PLIN5: variants seen among roughly 807,000 people sequenced by gnomAD.
PLIN5 encodes perilipin 5.
Under a neutral mutation model 32.8 loss-of-function variants are expected in PLIN5, and 34 were observed. That is an observed-to-expected ratio of 1.04 (90% CI 0.79 to 1.38). The LOEUF (loss-of-function observed/expected upper bound fraction) is 1.38, where lower values mean the gene tolerates loss of function less well. Among genes scored for constraint, PLIN5 ranks in the 40% most tolerant of loss-of-function variants. The pLI, the probability that PLIN5 is intolerant of heterozygous loss-of-function variation, is 0.00. For synonymous variants in PLIN5, 309 were observed against 292.9 expected (o/e 1.05, Z -0.56); for missense variants, 712 against 660.5 (o/e 1.08, Z -0.85).
In PLIN5 at chr19:4,525,596, C is replaced by G; in HGVS notation, c.720+37G>C. On this transcript the variant is annotated intron_variant, in intron 6 of 7. Coordinates refer to ENST00000381848, the MANE Select transcript of PLIN5 (RefSeq NM_001013706.3). This position sits in a 1 kb window ranked among gnomAD's most constrained non-coding sequence, Gnocchi z 5.6. ...TGGTGCTCAATCCATACTGATTGGC[C>G]TGCATCCCGGAGCAGGGGCGGGCAG... The G allele has an allele frequency of 6.2e-7, 1 of 1,606,774 alleles. No individual in the cohort carries two copies. The highest frequency in any genetic ancestry group is 1.1e-5 in the South Asian group (1 of 91,004).
chr19:4,530,828 A>G (rs1253308345), intron 3 of PLIN5, among the ~76,000 whole-genome samples: 1 of 151,762 alleles, frequency 6.6e-6, no homozygotes, highest in Non-Finnish European at 1.5e-5. Flanking sequence ...GCCCTCCACC[A>G]CGCCTGGATA....
At position 4,531,813 on chromosome 19, in the gene PLIN5, G is replaced by A. The variant is rs868322899; in HGVS notation, c.70C>T (p.Gln24Ter). Residue 24 changes from glutamine to a stop codon, truncating the protein, a stop_gained, in exon 3 of 8, where the codon CAG becomes TAG. Coordinates refer to ENST00000381848, the MANE Select transcript of PLIN5 (RefSeq NM_001013706.3). LOFTEE classifies it high-confidence loss of function. ...ACCAGGGGCAGAGCCACCACACGCT[G>A]CACCACGTTCTGCGGGAAGGGTCGG... ...VWEQDQQNVVQRVVALPLVRA... is the reference protein window; with the variant it reads ...VWEQDQQNVV The A allele has an allele frequency of 1.9e-6, 3 of 1,556,194 alleles. No homozygotes were observed. In the South Asian group the frequency reaches 3.6e-5, roughly 19 times the overall value.
Position 4,525,972 on chromosome 19 carries a change from C to CA in PLIN5, c.521-141dup, listed in dbSNP as rs1194784134. The CA allele has an allele frequency of 8.3e-6, 7 of 844,880 alleles. No homozygotes were observed. Among genetic ancestry groups the CA allele is most frequent in the Admixed American group, 2.5e-5 (1 of 40,266 alleles). 52.3% of individuals were successfully genotyped at this position (844,880 alleles called of 1,614,324 possible). Reference sequence around the variant, plus strand: ...GGACAGCACGGGGACAGCATGGGGTCAGCACAGCCACCCACCCCCTCCACA... The same window carrying CA: ...GGACAGCACGGGGACAGCATGGGGTCAAGCACAGCCACCCACCCCCTCCACA... On this transcript the variant is annotated intron_variant, in intron 5 of 7. Transcript: ENST00000381848. The surrounding 1 kb of genome is among the most constrained non-coding windows in gnomAD (Gnocchi z 5.6).
intron 3 of PLIN5, among the ~76,000 whole-genome samples, chr19:4,530,822 T>A (rs10413600): frequency 0.4 from 60,855 of 151,326 alleles, 12,489 homozygotes; most frequent in African/African-American, 0.45. Flanking sequence ...ACAGGCGCCC[T>A]CCACCACGCC....
At position 4,523,388 on chromosome 19, in the gene PLIN5, G is replaced by A. The variant is rs1027852513; in HGVS notation, c.*140C>T. On this transcript the variant is annotated 3_prime_UTR_variant, in exon 8 of 8. Coordinates refer to ENST00000381848, the MANE Select transcript of PLIN5 (RefSeq NM_001013706.3). The surrounding 1 kb of genome is among the most constrained non-coding windows in gnomAD (Gnocchi z 5.0). Reference sequence around the variant, plus strand: ...AAATGGGAGAGTCCAATACCAAAAAGGTGGTCAGAGATCCGGAGTTGGGCC... The same window carrying A: ...AAATGGGAGAGTCCAATACCAAAAAAGTGGTCAGAGATCCGGAGTTGGGCC... 2 of 973,612 alleles carry A rather than the reference G, an allele frequency of 2.1e-6. No homozygotes were observed. Among genetic ancestry groups the A allele is most frequent in the African/African-American group, 3.4e-5 (2 of 59,010 alleles). 60.3% of individuals were successfully genotyped at this position (973,612 alleles called of 1,614,324 possible).
intron 4 of PLIN5, 133 bp downstream of exon 4, chr19:4,529,639 ACACACACACACG>A: frequency 3.7e-6 from 2 of 541,176 alleles, no homozygotes; most frequent in Admixed American, 2.9e-5. Context: ...ACACACACAC[ACACACACACACG>A]TTGCAGTTAT....
chr19:4,529,469 CATAT>C, intron 4 of PLIN5: 1 of 574,234 alleles, frequency 1.7e-6, no homozygotes, highest in Non-Finnish European at 3.1e-6. Context: ...TACACACATA[CATAT>C]ACATATATAC....
intron 2 of PLIN5, 33 bp from the exon 3 acceptor site, chr19:4,531,855 G>A (rs1399727570): frequency 2.0e-6 from 3 of 1,485,444 alleles, no homozygotes; most frequent in Middle Eastern, 2.0e-4. Context: ...GGGGACCCTG[G>A]GGGAAGTGGG....
In PLIN5 at chr19:4,534,386, A is replaced by T. The variant is rs538055004; in HGVS notation, c.-21-291T>A. The stretch of plus-strand genomic sequence containing the variant: ...CATTAATTGCGGTGTTATTTTTATT[A>T]TTTTTTTAAAGACAGAATCTCTCTC... On this transcript the variant is annotated intron_variant, in intron 1 of 7. Transcript: ENST00000381848. 1.6e-5 allele frequency: 6 copies of T among 368,288 alleles called. No individual in the cohort carries two copies. In the East Asian group the frequency reaches 2.4e-4, roughly 15 times the overall value. The allele number at this position is 368,288 out of a possible 1,614,324, so 22.8% of individuals were successfully genotyped here.
intron 1 of PLIN5, chr19:4,534,305 C>T (rs1239425348): frequency 1.9e-5 from 11 of 575,060 alleles, no homozygotes; most frequent in East Asian, 2.9e-5. Flanking sequence ...GTAGGGTTGC[C>T]GGAGTGACTC....
In PLIN5 at chr19:4,523,322, C is replaced by A; in HGVS notation, c.*206G>T. The A allele has an allele frequency of 1.9e-6, 1 of 540,402 alleles. No individual in the cohort carries two copies. The highest frequency in any genetic ancestry group is 3.1e-6 in the Non-Finnish European group (1 of 324,602). The allele number at this position is 540,402 out of a possible 1,614,324, so 33.5% of individuals were successfully genotyped here. On this transcript the variant is annotated 3_prime_UTR_variant, in exon 8 of 8. Transcript: ENST00000381848. This position sits in a 1 kb window ranked among gnomAD's most constrained non-coding sequence, Gnocchi z 5.0. ...AAGTTGGCCTGAATAGGGTTCGAGGCCCTGCTCCCCCGGGCCTCTTTGTCC... is the reference window on the plus strand; with the variant it reads ...AAGTTGGCCTGAATAGGGTTCGAGGACCTGCTCCCCCGGGCCTCTTTGTCC...
chr19:4,524,154 T>C, intron 7 of PLIN5, 69 bp from the exon 8 acceptor site: 1 of 1,358,690 alleles, frequency 7.4e-7, no homozygotes, highest in African/African-American at 1.5e-5. Context: ...CCTCGGTTTC[T>C]CTGATGGACC....
Position 4,534,091 on chromosome 19 carries a change from T to C in PLIN5, c.-17A>G. The C allele has an allele frequency of 6.2e-7, 1 of 1,609,456 alleles. No homozygotes were observed. The stretch of plus-strand genomic sequence containing the variant: ...TTCAGACATCGTGCTGCAAACAGGG[T>C]CACCCTGCGGGGCAGGATTGAGTAA... On this transcript the variant is annotated 5_prime_UTR_variant, in exon 2 of 8. Coordinates refer to ENST00000381848, the MANE Select transcript of PLIN5 (RefSeq NM_001013706.3).
chr19:4,529,195 G>A lies in PLIN5; in HGVS notation c.398C>T (p.Ala133Val), dbSNP rs761192960. 4 of 1,612,528 alleles carry A rather than the reference G, an allele frequency of 2.5e-6. No homozygotes were observed. The African/African-American group carries it at 4.0e-5, about 16-fold the overall frequency. ...ASSVTGVVDL[A>V]RRGRRWSVEL... ...CACGCTCCAGCGCCGGCCCCTCCGG[G>A]CCAGGTCCACCACACCCGTGACACT... The change falls in exon 5 of 8, where the codon GCC becomes GTC. Residue 133 changes from alanine (A) to valine (V), a missense_variant. Coordinates refer to ENST00000381848, the MANE Select transcript of PLIN5 (RefSeq NM_001013706.3).
In PLIN5 at chr19:4,525,640, A is replaced by G. The variant is rs2145322683; in HGVS notation, c.713T>C (p.Leu238Pro). The change falls in exon 6 of 8, where the codon CTG (leucine) becomes CCG (proline). Residue 238 changes from leucine to proline, a missense_variant. By Grantham distance (98) the Leu-to-Pro change is moderately conservative. Coordinates refer to ENST00000381848, the MANE Select transcript of PLIN5 (RefSeq NM_001013706.3). The surrounding 1 kb of genome is among the most constrained non-coding windows in gnomAD (Gnocchi z 5.6). Reference sequence around the variant, plus strand: ...CGGGCAGCGGGCTCTCACCAGCTCCAGCGTCTCCTGCAGCTGGGCCAGGGT... The same window carrying G: ...CGGGCAGCGGGCTCTCACCAGCTCCGGCGTCTCCTGCAGCTGGGCCAGGGT... ...QDTLAQLQETLELIDHMQCGV... is the reference protein window; with the variant it reads ...QDTLAQLQETPELIDHMQCGV... 1 of 1,613,030 alleles carries G rather than the reference A, an allele frequency of 6.2e-7. No individual in the cohort carries two copies. The highest frequency in any genetic ancestry group is 2.2e-5 in the East Asian group (1 of 44,852).
intron 4 of PLIN5, 114 bp from the exon 5 acceptor site, chr19:4,529,367 G>A (rs1313666309): frequency 3.3e-6 from 4 of 1,202,130 alleles, no homozygotes; most frequent in Non-Finnish European, 2.3e-6. Context: ...CTGGCTCCGT[G>A]CCTCAGTTTC....
intron 2 of PLIN5, chr19:4,533,789 G>C (rs778614013): frequency 1.5e-5 from 9 of 589,598 alleles, no homozygotes; most frequent in Non-Finnish European, 2.4e-5. Flanking sequence ...TTGGGTAGGG[G>C]CCACAGAAGC....
At position 4,525,123 on chromosome 19, in the gene PLIN5, A is replaced by C; in HGVS notation, c.721-47T>G. ...TCTTCAGAGCTGGGGGAGCTGGGGG[A>C]GCTGGGGGTCGGGGTGGGGTCCAGG... On this transcript the variant is annotated intron_variant, in intron 6 of 7. Transcript: ENST00000381848. This position sits in a 1 kb window ranked among gnomAD's most constrained non-coding sequence, Gnocchi z 5.6. 2.6e-6 allele frequency: 1 copy of C among 385,566 alleles called. No individual in the cohort carries two copies. Among genetic ancestry groups the C allele is most frequent in the Non-Finnish European group, 4.2e-6 (1 of 239,644 alleles). 23.9% of individuals were successfully genotyped at this position (385,566 alleles called of 1,614,324 possible). A position where few individuals can be genotyped will look rare whatever the true frequency, so the allele number is the denominator to read the frequency against.
In PLIN5 at chr19:4,523,575, G is replaced by A. The variant is rs1395275914; in HGVS notation, c.1345C>T (p.Pro449Ser). Residue 449 changes from proline (P) to serine (S), a missense_variant, in exon 8 of 8, where the codon CCC becomes TCC. Physicochemically the swap from Pro to Ser is moderately conservative, Grantham distance 74 (BLOSUM62 -1). Coordinates refer to ENST00000381848, the MANE Select transcript of PLIN5 (RefSeq NM_001013706.3). The surrounding 1 kb of genome is among the most constrained non-coding windows in gnomAD (Gnocchi z 5.0). Reference sequence around the variant, plus strand: ...AGGGTGTGCTTGACCGGGCAGCTGGGGGTCTCGGGTTCCTGCTCGCAGATG... The same window carrying A: ...AGGGTGTGCTTGACCGGGCAGCTGGAGGTCTCGGGTTCCTGCTCGCAGATG... ...GDICEQEPET[P>S]SCPVKHTLMP... The A allele has an allele frequency of 6.3e-7, 1 of 1,599,512 alleles. No individual in the cohort carries two copies. The highest frequency in any genetic ancestry group is 8.5e-7 in the Non-Finnish European group (1 of 1,172,310).
Sources: allele counts gnomAD v4.1 joint callset (sites outside exome capture counted in the v4.1 genomes callset), GRCh38; gene constraint gnomAD v4.1.1; non-coding constraint Gnocchi (gnomAD v3.1); transcripts MANE v1.5; gene names NCBI Gene and HGNC (gene_info 2026-07-23, HGNC 2026-07-21).